CPQ: variants seen among roughly 807,000 people sequenced by gnomAD.
CPQ encodes carboxypeptidase Q.
Under a neutral mutation model 45.7 loss-of-function variants are expected in CPQ, and 37 were observed. That is an observed-to-expected ratio of 0.81 (90% CI 0.62 to 1.07). CPQ has a LOEUF of 1.07. Ranked by LOEUF, CPQ falls within the 50% of genes least tolerant of loss-of-function variation. CPQ has a pLI of 0.00. For missense variants in CPQ, 537 were observed against 572.9 expected, an observed-to-expected ratio of 0.94 and a Z score of 0.64; for synonymous variants, 186 against 205.8, an observed-to-expected ratio of 0.90 and a Z score of 0.82.
At chr8:97,005,118 G>T (rs1809358444) in intron 5 of CPQ, among the ~76,000 whole-genome samples, 1 of 151,500 alleles carries the variant, frequency 6.6e-6, no homozygotes. Context: ...GTCTCACTCT[G>T]TTGCCCAGGC....
chr8:97,080,788 A>G (rs1810932992), intron 7 of CPQ, among the ~76,000 whole-genome samples: 1 of 152,188 alleles, frequency 6.6e-6, no homozygotes. Flanking sequence ...CATAATCTAT[A>G]AATCAAATAT....
intron 4 of CPQ, among the ~76,000 whole-genome samples, chr8:96,938,560 A>G (rs1223644215): frequency 6.6e-6 from 1 of 152,182 alleles, no homozygotes; most frequent in East Asian, 1.9e-4. Flanking sequence ...GGAAACCTGG[A>G]CACAGAAAGG....
chr8:96,757,935 G>T (rs1042367155), intron 1 of CPQ, among the ~76,000 whole-genome samples: 1 of 151,934 alleles, frequency 6.6e-6, no homozygotes, highest in African/African-American at 2.4e-5. Context: ...TTCACTTGCC[G>T]TTCACACATT....
intron 4 of CPQ, among the ~76,000 whole-genome samples, chr8:96,944,569 T>C (rs1563535140): frequency 6.6e-6 from 1 of 152,174 alleles, no homozygotes; most frequent in Non-Finnish European, 1.5e-5. Flanking sequence ...GTTTTTCATA[T>C]GTCAACCAGC....
intron 1 of CPQ, among the ~76,000 whole-genome samples, chr8:96,757,246 G>T (rs1810337795): frequency 6.6e-6 from 1 of 151,750 alleles, no homozygotes; most frequent in African/African-American, 2.4e-5. Flanking sequence ...AGCTACTTGG[G>T]AGGCTGAGGC....
intron 3 of CPQ, among the ~76,000 whole-genome samples, chr8:96,858,926 G>A (rs1044956183): frequency 1.3e-5 from 2 of 152,118 alleles, no homozygotes; most frequent in African/African-American, 4.8e-5. Context: ...GTGTAGTTTT[G>A]TGCTTTTTTC....
At chr8:96,967,596 G>C (rs1813589196) in intron 5 of CPQ, among the ~76,000 whole-genome samples, 1 of 152,178 alleles carries the variant, frequency 6.6e-6, no homozygotes, top group African/African-American at 2.4e-5. Context: ...AGTTCTCAAA[G>C]TACATCGACT....
intron 2 of CPQ, among the ~76,000 whole-genome samples, chr8:96,814,587 A>G (rs1259266435): frequency 6.6e-6 from 1 of 152,184 alleles, no homozygotes; most frequent in East Asian, 1.9e-4. Context: ...TGCCCTCAAC[A>G]TATATATCAT....
In CPQ at chr8:96,855,977, C is replaced by T. The variant is rs1222299646; in HGVS notation, c.641+20797C>T. On this transcript the variant is annotated intron_variant, in intron 3 of 7. Transcript: ENST00000220763. ...TGGTGCAACAGATCAACGGACAGAA[C>T]CATTTGGCCAGTTCTGGGACTGAAA... Among the ~76,000 whole-genome samples, 3 of 152,150 alleles carry T rather than the reference C, an allele frequency of 2.0e-5. No individual in the cohort carries two copies. The East Asian group carries it at 5.8e-4, about 29-fold the overall frequency.
chr8:96,656,083 G>A (rs1815634336), intron 1 of CPQ, among the ~76,000 whole-genome samples: 1 of 152,096 alleles, frequency 6.6e-6, no homozygotes, highest in Non-Finnish European at 1.5e-5. Context: ...TGAACTCCTG[G>A]GCTCAAGTGA....
intron 1 of CPQ, among the ~76,000 whole-genome samples, chr8:96,696,452 T>TA (rs536986208): frequency 0.012 from 1,797 of 146,498 alleles, 44 homozygotes; most frequent in African/African-American, 0.042. Context: ...AATAATAAAT[T>TA]AAAAAAAAAG....
At chr8:97,032,978 T>G (rs78430126) in intron 6 of CPQ, among the ~76,000 whole-genome samples, 3,147 of 152,296 alleles carry the variant, frequency 0.021, 102 homozygotes, top group African/African-American at 0.067. Context: ...GAAATCACTA[T>G]GGCATGTTAG....
chr8:96,867,416 A>G (rs1812009312), intron 3 of CPQ, among the ~76,000 whole-genome samples: 1 of 152,068 alleles, frequency 6.6e-6, no homozygotes, highest in Non-Finnish European at 1.5e-5. Flanking sequence ...TGGGTGAATA[A>G]GGCAATATTA....
chr8:96,770,771 C>T (rs887501702), intron 1 of CPQ, among the ~76,000 whole-genome samples: 1 of 147,612 alleles, frequency 6.8e-6, no homozygotes, highest in Non-Finnish European at 1.5e-5. Context: ...ACAGTAGGTA[C>T]TTATGCCTTC....
At chr8:96,651,732 G>A (rs1586345184) in intron 1 of CPQ, among the ~76,000 whole-genome samples, 4 of 151,958 alleles carry the variant, frequency 2.6e-5, no homozygotes, top group African/African-American at 7.2e-5. Flanking sequence ...ATTATGTTAT[G>A]TATGAATATA....
At chr8:97,061,853 GT>G (rs1347918543) in intron 6 of CPQ, among the ~76,000 whole-genome samples, 1 of 152,096 alleles carries the variant, frequency 6.6e-6, no homozygotes, top group Non-Finnish European at 1.5e-5. Flanking sequence ...ACAATGTACT[GT>G]TTTTGACAAT....
chr8:96,732,557 C>G (rs1415778850), intron 1 of CPQ, among the ~76,000 whole-genome samples: 1 of 116,586 alleles, frequency 8.6e-6, no homozygotes, highest in Non-Finnish European at 2.0e-5. Context: ...TGTATTTTTA[C>G]TTTCTATTTT....
chr8:97,044,769 G>C (rs1251812684), intron 6 of CPQ, among the ~76,000 whole-genome samples: 1 of 152,160 alleles, frequency 6.6e-6, no homozygotes, highest in Non-Finnish European at 1.5e-5. Flanking sequence ...TGTTTGCCTG[G>C]GTATCAGCAG....
intron 4 of CPQ, among the ~76,000 whole-genome samples, chr8:96,883,291 T>C (rs1232595756): frequency 6.6e-6 from 1 of 152,190 alleles, no homozygotes; most frequent in African/African-American, 2.4e-5. Flanking sequence ...TGAGTAAATA[T>C]CTTGGAGTGG....
Sources: allele counts gnomAD v4.1 joint callset (sites outside exome capture counted in the v4.1 genomes callset), GRCh38; gene constraint gnomAD v4.1.1; transcripts MANE v1.5; gene names NCBI Gene and HGNC (gene_info 2026-07-23, HGNC 2026-07-21).